SLC5A12: variants seen among roughly 807,000 people sequenced by gnomAD.
The protein encoded by SLC5A12 is sodium-coupled monocarboxylate transporter 2.
In SLC5A12, 46 loss-of-function variants were observed where a neutral mutation model predicts 72.7. That is an observed-to-expected ratio of 0.63 (90% confidence interval 0.50 to 0.81). The LOEUF (loss-of-function observed/expected upper bound fraction) is 0.81, where lower values mean the gene tolerates loss of function less well. Among genes scored for constraint, SLC5A12 ranks in the 30% least tolerant of loss-of-function variants. The pLI is 0.00. For synonymous variants in SLC5A12, 275 were observed against 264.4 expected (o/e 1.04, Z -0.39); for missense variants, 683 against 740.7 (o/e 0.92, Z 0.90).
At chr11:26,705,961 C>G (rs1188714182) in intron 4 of SLC5A12, among the ~76,000 whole-genome samples, 1 of 150,912 alleles carries the variant, frequency 6.6e-6, no homozygotes. Flanking sequence ...CACACACACA[C>G]ACACACACAC....
chr11:26,683,872 C>G (rs778241414), intron 10 of SLC5A12, 29 bp from the exon 11 acceptor site: 5 of 1,555,422 alleles, frequency 3.2e-6, no homozygotes, highest in Non-Finnish European at 3.5e-6. Context: ...CCAGATGAAT[C>G]CCCTACTCAA....
intron 6 of SLC5A12, among the ~76,000 whole-genome samples, chr11:26,700,332 G>T (rs1227972153): frequency 6.6e-6 from 1 of 151,998 alleles, no homozygotes; most frequent in African/African-American, 2.4e-5. Flanking sequence ...TCTATACAGG[G>T]CTAATTCTTC....
intron 2 of SLC5A12, 94 bp downstream of exon 2, chr11:26,712,547 G>T: frequency 1.3e-6 from 1 of 770,730 alleles, no homozygotes; most frequent in Non-Finnish European, 2.0e-6. Context: ...TTAGTATTAA[G>T]TGTCCTTTAG....
chr11:26,685,283 A>T (rs149970604), intron 10 of SLC5A12, among the ~76,000 whole-genome samples: 31 of 152,328 alleles, frequency 2.0e-4, no homozygotes, highest in African/African-American at 7.5e-4. Flanking sequence ...TTTGAAAAAC[A>T]TTTATTGAAA....
chr11:26,685,983 A>G lies in SLC5A12; in HGVS notation c.1221+494T>C, dbSNP rs948453006. Reference sequence around the variant, plus strand: ...CTCTTTAATTATGTAACTTTGAGACAGTTACTTCCTAGTTCCTTCATCTGG... The same window carrying G: ...CTCTTTAATTATGTAACTTTGAGACGGTTACTTCCTAGTTCCTTCATCTGG... On this transcript the variant is annotated intron_variant, in intron 10 of 14. Transcript: ENST00000396005. Among the ~76,000 whole-genome samples the G allele has an allele frequency of 2.6e-5, 4 of 152,224 alleles. No individual in the cohort carries two copies. The East Asian group carries it at 5.8e-4, about 22-fold the overall frequency.
chr11:26,685,912 C>T (rs79395281), intron 10 of SLC5A12, among the ~76,000 whole-genome samples: 1,632 of 152,174 alleles, frequency 0.011, 28 homozygotes, highest in African/African-American at 0.037. Flanking sequence ...GTTGTGAGTT[C>T]GGCTTGGATG....
intron 1 of SLC5A12, among the ~76,000 whole-genome samples, chr11:26,718,365 T>C (rs991760743): frequency 8.5e-5 from 13 of 152,228 alleles, no homozygotes; most frequent in African/African-American, 3.1e-4. Context: ...ACCAGGTATA[T>C]AAAAGTTAAG....
chr11:26,669,187 T>TTTTCTTTTTTTCTTTCTTTCTTTCTTTC lies in SLC5A12; in HGVS notation c.*1914_*1915insGAAAGAAAGAAAGAAAGAAAAAAAGAAA, dbSNP rs1554988602. 3 of 110,940 alleles carry TTTTCTTTTTTTCTTTCTTTCTTTCTTTC rather than the reference T, an allele frequency of 2.7e-5. No homozygotes were observed. The allele number at this position is 110,940 out of a possible 1,614,324, so 6.9% of individuals were successfully genotyped here. ...TGTCTTTTTCTTTCTTTCTTTCTTC[T>TTTTCTTTTTTTCTTTCTTTCTTTCTTTC]TTTCTTTCTTTCTTTCTTTCTTTCT... On this transcript the variant is annotated 3_prime_UTR_variant, in exon 15 of 15. Coordinates refer to ENST00000396005, the MANE Select transcript of SLC5A12 (RefSeq NM_178498.4).
At chr11:26,703,458 G>A in intron 6 of SLC5A12, 73 bp downstream of exon 6, 1 of 1,403,396 alleles carries the variant, frequency 7.1e-7, no homozygotes, top group South Asian at 1.2e-5. Flanking sequence ...CCCCCAAGAG[G>A]AAGTATTAAT....
intron 1 of SLC5A12, among the ~76,000 whole-genome samples, chr11:26,716,858 T>C (rs898839876): frequency 6.6e-6 from 1 of 152,180 alleles, no homozygotes; most frequent in Non-Finnish European, 1.5e-5. Flanking sequence ...GTAAAAGCCC[T>C]AAAATTATTC....
At chr11:26,698,795 A>G (rs1854890446) in intron 6 of SLC5A12, among the ~76,000 whole-genome samples, 1 of 152,140 alleles carries the variant, frequency 6.6e-6, no homozygotes, top group Non-Finnish European at 1.5e-5. Context: ...GTTTTTGCAA[A>G]ACCTTGATAT....
intron 13 of SLC5A12, among the ~76,000 whole-genome samples, chr11:26,676,837 T>A (rs1854277771): frequency 1.3e-5 from 2 of 152,112 alleles, no homozygotes; most frequent in Admixed American, 1.3e-4. Context: ...TGTGTCAACA[T>A]GTATGAGTAA....
chr11:26,675,382 A>C (rs2133133205), intron 13 of SLC5A12, among the ~76,000 whole-genome samples: 1 of 152,140 alleles, frequency 6.6e-6, no homozygotes, highest in Non-Finnish European at 1.5e-5. Context: ...TGAAAATGAA[A>C]CTCAAATTCT....
chr11:26,692,671 C>T (rs1415280215), intron 8 of SLC5A12, 70 bp from the exon 9 acceptor site: 2 of 1,040,230 alleles, frequency 1.9e-6, no homozygotes, highest in Middle Eastern at 2.1e-4. Context: ...GCCCTCTTGT[C>T]CAGGGCAGAT....
intron 10 of SLC5A12, among the ~76,000 whole-genome samples, chr11:26,685,426 T>C (rs1008611099): frequency 2.6e-5 from 4 of 151,720 alleles, no homozygotes; most frequent in Admixed American, 2.6e-4. Flanking sequence ...TCAAGACCAG[T>C]CTGGCAAATA....
rs907223185 is a variant in SLC5A12, at chr11:26,668,380, T to A, written c.*2722A>T. 6.6e-6 allele frequency: 1 copy of A among 151,998 alleles called. No individual in the cohort carries two copies. The highest frequency in any genetic ancestry group is 1.5e-5 in the Non-Finnish European group (1 of 67,976). The allele number at this position is 151,998 out of a possible 1,614,324, so 9.4% of individuals were successfully genotyped here. A position where few individuals can be genotyped will look rare whatever the true frequency, so the allele number is the denominator to read the frequency against. On this transcript the variant is annotated 3_prime_UTR_variant, in exon 15 of 15. Coordinates refer to ENST00000396005, the MANE Select transcript of SLC5A12 (RefSeq NM_178498.4). ...TAAAACTCATCATTCCTAGTGCCAT[T>A]TATTGAGAATGTCTCTGGTCATGCT...
intron 1 of SLC5A12, among the ~76,000 whole-genome samples, chr11:26,720,921 T>G (rs972767833): frequency 2.6e-5 from 4 of 152,238 alleles, no homozygotes; most frequent in African/African-American, 9.6e-5. Context: ...TAAGTAGAGA[T>G]ACAGAAAAAA....
At chr11:26,696,761 GT>G (rs1854826079) in intron 8 of SLC5A12, among the ~76,000 whole-genome samples, 1 of 152,270 alleles carries the variant, frequency 6.6e-6, no homozygotes, top group African/African-American at 2.4e-5. Flanking sequence ...GTGGCAGACT[GT>G]ATATATTGTA....
intron 3 of SLC5A12, among the ~76,000 whole-genome samples, chr11:26,710,102 G>A (rs967528498): frequency 2.0e-5 from 3 of 152,016 alleles, no homozygotes; most frequent in African/African-American, 7.2e-5. Context: ...TCACTTATGA[G>A]TGAGAACATG....
Sources: gnomAD v4.1 joint callset for allele counts (sites outside exome capture counted in the v4.1 genomes callset) on GRCh38, gnomAD v4.1.1 for gene constraint, MANE v1.5 for transcripts, NCBI Gene and HGNC (gene_info 2026-07-23, HGNC 2026-07-21) for gene names.